The following RIPOR2 variants were observed in gnomAD, a reference collection of about 807,000 sequenced individuals.
RIPOR2 encodes the protein rho family-interacting cell polarization regulator 2.
RIPOR2 carries 39 observed loss-of-function variants against 114.5 expected under a neutral mutation model. The ratio of observed to expected loss-of-function variants is 0.34; its 90% confidence interval spans 0.26 to 0.44. The LOEUF (loss-of-function observed/expected upper bound fraction) is 0.44. Among genes scored for constraint, RIPOR2 ranks in the 20% least tolerant of loss-of-function variants. The pLI is 1.00. For synonymous variants in RIPOR2, 445 were observed against 484.4 expected (o/e 0.92, Z 1.07); for missense variants, 1,007 against 1,255.1 (o/e 0.80, Z 2.99).
rs11968286 is a variant in RIPOR2, at chr6:24,832,034, G to A, written c.2344+222C>T. On this transcript the variant is annotated intron_variant, in intron 16 of 21. Coordinates refer to ENST00000643898, the MANE Select transcript of RIPOR2 (RefSeq NM_001286445.3). ...GTTTTTGTTTCTGGGTCTGACTTCTGGGGGTGGAGGCCCTCTGGAAAAAAC... is the reference window on the plus strand; with the variant it reads ...GTTTTTGTTTCTGGGTCTGACTTCTAGGGGTGGAGGCCCTCTGGAAAAAAC... 0.026 allele frequency among the ~76,000 whole-genome samples: 3,945 copies of A among 152,240 alleles called. 158 individuals carry two copies. Among genetic ancestry groups the A allele is most frequent in the African/African-American group, 0.083 (3,440 of 41,516 alleles).
In RIPOR2 at chr6:24,809,862, C is replaced by T. The variant is rs1276943095; in HGVS notation, c.2953-55G>A. 22 of 1,153,572 alleles carry T rather than the reference C, an allele frequency of 1.9e-5. No individual in the cohort carries two copies. The Admixed American group carries it at 2.6e-4, about 14-fold the overall frequency. 71.5% of individuals were successfully genotyped at this position (1,153,572 alleles called of 1,614,324 possible). A position where few individuals can be genotyped will look rare whatever the true frequency, so the allele number is the denominator to read the frequency against. ...TTTGACATTTAGGTCTAGAGTACCA[C>T]GAGACTTGGCATTTCACAACTGGTG... is the stretch of plus-strand genomic sequence containing the variant. On this transcript the variant is annotated intron_variant, in intron 20 of 21. Transcript: ENST00000643898.
upstream of RIPOR2, chr6:24,936,095 G>A: frequency 3.7e-6 from 2 of 545,520 alleles, no homozygotes; most frequent in South Asian, 2.3e-5. Context: ...TCCCAGGTGG[G>A]GTAATTCTCA....
chr6:24,872,062 C>T lies in RIPOR2; in HGVS notation c.423+819G>A, dbSNP rs115808366. On this transcript the variant is annotated intron_variant, in intron 4 of 21. Transcript: ENST00000643898. Reference sequence around the variant, plus strand: ...AGAAAAAGACAGCAGCTATGAATGTCTAGCTGCACCTCCTAGGACTATGTT... The same window carrying T: ...AGAAAAAGACAGCAGCTATGAATGTTTAGCTGCACCTCCTAGGACTATGTT... Among the ~76,000 whole-genome samples the T allele has an allele frequency of 2.5e-3, 381 of 152,324 alleles. 2 individuals carry two copies. The highest frequency in any genetic ancestry group is 4.8e-3 in the Non-Finnish European group (329 of 68,032).
At chr6:24,918,139 G>A (rs934092127) in intron 1 of RIPOR2, among the ~76,000 whole-genome samples, 1 of 152,174 alleles carries the variant, frequency 6.6e-6, no homozygotes, top group African/African-American at 2.4e-5. Flanking sequence ...AAAGTGAGGT[G>A]GGAATATGCA....
intron 20 of RIPOR2, among the ~76,000 whole-genome samples, chr6:24,818,312 G>T (rs551535361): frequency 2.8e-4 from 43 of 152,114 alleles, no homozygotes; most frequent in African/African-American, 1.0e-3. Flanking sequence ...GGTTCCCTTG[G>T]GCTAGTGCAA....
chr6:24,915,977 A>G (rs962246428), intron 1 of RIPOR2, among the ~76,000 whole-genome samples: 7 of 152,292 alleles, frequency 4.6e-5, no homozygotes, highest in African/African-American at 1.7e-4. Flanking sequence ...AGTCTTGGAA[A>G]AAGTGCTGGA....
At chr6:24,938,255 G>A (rs557872119), upstream of RIPOR2, among the ~76,000 whole-genome samples, 1 of 152,136 alleles carries the variant, frequency 6.6e-6, no homozygotes, top group African/African-American at 2.4e-5. Flanking sequence ...ATGTGAAGAT[G>A]AAGGCAGAGA....
intron 1 of RIPOR2, among the ~76,000 whole-genome samples, chr6:24,888,283 C>G (rs1767011987): frequency 6.6e-6 from 1 of 152,124 alleles, no homozygotes; most frequent in Non-Finnish European, 1.5e-5. Context: ...TGGCCCCATT[C>G]CTGGTATTAT....
At chr6:25,001,424 A>C (rs1240107757) in intron 1 of RIPOR2, among the ~76,000 whole-genome samples, 1 of 151,878 alleles carries the variant, frequency 6.6e-6, no homozygotes, top group African/African-American at 2.4e-5. Flanking sequence ...GGAGTTTGAG[A>C]CCAGCCTGGC....
Position 24,967,671 on chromosome 6 carries a change from G to A in RIPOR2, c.76+74180C>T, listed in dbSNP as rs1442214408. ...GCTTCCATTAGGGCAGAAGTTACAGGATGAATTAAAGAATATATTAGTTGT... is the reference window on the plus strand; with the variant it reads ...GCTTCCATTAGGGCAGAAGTTACAGAATGAATTAAAGAATATATTAGTTGT... On this transcript the variant is annotated intron_variant, in intron 1 of 13. Coordinates refer to the RIPOR2 transcript ENST00000510784. Among the ~76,000 whole-genome samples, 3 of 152,154 alleles carry A rather than the reference G, an allele frequency of 2.0e-5. No homozygotes were observed. The East Asian group carries it at 5.8e-4, about 29-fold the overall frequency.
intron 1 of RIPOR2, among the ~76,000 whole-genome samples, chr6:24,895,793 A>G (rs1767805669): frequency 6.6e-6 from 1 of 152,114 alleles, no homozygotes; most frequent in African/African-American, 2.4e-5. Context: ...GATCAAGACC[A>G]TCCTGGCCAA....
At chr6:24,820,837 G>C (rs896305316) in intron 19 of RIPOR2, among the ~76,000 whole-genome samples, 1 of 144,350 alleles carries the variant, frequency 6.9e-6, no homozygotes, top group Non-Finnish European at 1.5e-5. Flanking sequence ...CTGTGTACAA[G>C]GTTTTTTTGT....
intron 1 of RIPOR2, among the ~76,000 whole-genome samples, chr6:24,933,118 T>C (rs977221355): frequency 2.0e-5 from 3 of 152,210 alleles, no homozygotes; most frequent in African/African-American, 7.2e-5. Context: ...GTTAAACCTC[T>C]GAAAAGTTAT....
chr6:24,846,841 C>A (rs765272252), intron 12 of RIPOR2, among the ~76,000 whole-genome samples: 1 of 152,036 alleles, frequency 6.6e-6, no homozygotes, highest in East Asian at 1.9e-4. Context: ...ATCTTTTTAT[C>A]GAAGTGTTAT....
intron 1 of RIPOR2, among the ~76,000 whole-genome samples, chr6:24,982,185 AG>A (rs1393956410): frequency 6.6e-6 from 1 of 152,266 alleles, no homozygotes; most frequent in African/African-American, 2.4e-5. Context: ...TTGTCCATAA[AG>A]TATAGAAAAT....
intron 1 of RIPOR2, among the ~76,000 whole-genome samples, chr6:24,913,923 C>A (rs1440162026): frequency 6.6e-6 from 1 of 152,180 alleles, no homozygotes; most frequent in Non-Finnish European, 1.5e-5. Flanking sequence ...CACCCCCACC[C>A]ATGAGACACT....
Position 24,843,019 on chromosome 6 carries a change from G to T in RIPOR2, c.1700C>A (p.Ser567Tyr). The T allele has an allele frequency of 1.9e-6, 3 of 1,603,720 alleles. No homozygotes were observed. Among genetic ancestry groups the T allele is most frequent in the Non-Finnish European group, 2.6e-6 (3 of 1,173,402 alleles). ...GCAGCCTTCAGATTCTCCACCAACA[G>T]AACCCTCAGAGAGCAGCCTGTCTGT... is the stretch of plus-strand genomic sequence containing the variant. Reference protein sequence around the residue: ...MATDRLLSEGSVGGESEGCRS... With the variant: ...MATDRLLSEGYVGGESEGCRS... Residue 567 changes from serine to tyrosine, a missense_variant, in exon 13 of 22, where the codon TCT becomes TAT. By Grantham distance (144) the Ser-to-Tyr change is moderately radical (BLOSUM62 -2). Transcript: ENST00000643898.
intron 19 of RIPOR2, 42 bp from the exon 20 acceptor site, chr6:24,818,667 T>C: frequency 7.2e-7 from 1 of 1,383,194 alleles, no homozygotes; most frequent in Non-Finnish European, 1.0e-6. Flanking sequence ...TTTTGGTTTG[T>C]TCGTAGTTTA....
intron 9 of RIPOR2, among the ~76,000 whole-genome samples, chr6:24,852,127 T>A (rs1763016112): frequency 6.6e-6 from 1 of 152,020 alleles, no homozygotes; most frequent in Admixed American, 6.6e-5. Flanking sequence ...CCGGCTGTGG[T>A]GGTGCACACC....
Sources: gnomAD v4.1 joint callset for allele counts (sites outside exome capture counted in the v4.1 genomes callset) on GRCh38, gnomAD v4.1.1 for gene constraint, MANE v1.5 for transcripts, NCBI Gene and HGNC (gene_info 2026-07-23, HGNC 2026-07-21) for gene names.